Variants in FRMD4A observed in about 807,000 individuals in gnomAD.
FRMD4A encodes FERM domain containing 4A.
FRMD4A carries 29 observed loss-of-function variants against 129.1 expected under a neutral mutation model. That is an observed-to-expected ratio of 0.22 (90% CI 0.17 to 0.31). The LOEUF (loss-of-function observed/expected upper bound fraction) is 0.31, where lower values mean the gene tolerates loss of function less well. Ranked by LOEUF, FRMD4A falls within the 10% of genes least tolerant of loss-of-function variation. The pLI is 1.00. For missense variants in FRMD4A, 1,272 were observed against 1,375.8 expected, an observed-to-expected ratio of 0.92 and a Z score of 1.19; for synonymous variants, 634 against 571.6, an observed-to-expected ratio of 1.11 and a Z score of -1.56.
intron 2 of FRMD4A, among the ~76,000 whole-genome samples, chr10:13,873,799 G>A (rs1428690133): frequency 2.0e-5 from 3 of 151,660 alleles, no homozygotes; most frequent in East Asian, 1.9e-4. Context: ...TGTCCACCTT[G>A]GCCTCCCAAA....
At chr10:13,777,740 C>T (rs1230281598) in intron 6 of FRMD4A, among the ~76,000 whole-genome samples, 4 of 151,258 alleles carry the variant, frequency 2.6e-5, no homozygotes, top group Non-Finnish European at 4.4e-5. Context: ...CAGTACTGAA[C>T]GCAACTCCTC....
chr10:13,969,860 AAAAG>A (rs2095507372), intron 2 of FRMD4A, among the ~76,000 whole-genome samples: 1 of 152,194 alleles, frequency 6.6e-6, no homozygotes, highest in African/African-American at 2.4e-5. Flanking sequence ...CCCCACCAAA[AAAAG>A]AAAGAGATGA....
intron 2 of FRMD4A, chr10:14,327,089 C>A (rs1843308224): frequency 5.0e-6 from 2 of 397,570 alleles, no homozygotes; most frequent in East Asian, 7.1e-5. Context: ...TGGGACCCCT[C>A]CCAGCTGACC....
chr10:14,267,746 G>T (rs1845026707), intron 2 of FRMD4A, among the ~76,000 whole-genome samples: 1 of 152,008 alleles, frequency 6.6e-6, no homozygotes, highest in Non-Finnish European at 1.5e-5. Context: ...TTTAAATTTG[G>T]GTCCTTTATT....
At chr10:14,127,924 TTC>T (rs1285267429) in intron 2 of FRMD4A, among the ~76,000 whole-genome samples, 8 of 4,412 alleles carry the variant, frequency 1.8e-3, no homozygotes, top group Non-Finnish European at 2.8e-3. Context: ...CTTTCTTTCT[TTC>T]TTTCTTTCTT....
rs1346364932 is a variant in FRMD4A at position 14,134,381 on chromosome 10, ATAAATGGG to A, written c.45+195669_45+195676del. On this transcript the variant is annotated intron_variant, in intron 2 of 24. Coordinates refer to ENST00000357447, the MANE Select transcript of FRMD4A (RefSeq NM_018027.5). ...AATGGATGGGTAGATGGATGGATGG[ATAAATGGG>A]TGAATGGGTGGATGGATGGATGGAT... 2.0e-5 allele frequency among the ~76,000 whole-genome samples: 3 copies of A among 151,560 alleles called. No individual in the cohort carries two copies. The South Asian group carries it at 6.3e-4, about 32-fold the overall frequency.
chr10:13,790,648 C>T (rs1481454517), intron 5 of FRMD4A, among the ~76,000 whole-genome samples: 1 of 152,050 alleles, frequency 6.6e-6, no homozygotes, highest in Admixed American at 6.5e-5. Context: ...CACATGGGAG[C>T]AGGGCAGAAG....
At chr10:13,746,195 T>C (rs1430646277) in intron 9 of FRMD4A, among the ~76,000 whole-genome samples, 1 of 152,050 alleles carries the variant, frequency 6.6e-6, no homozygotes, top group African/African-American at 2.4e-5. Context: ...AGATGTGATT[T>C]ATGAGCCAGA....
At chr10:14,289,862 A>C (rs956250865) in intron 2 of FRMD4A, among the ~76,000 whole-genome samples, 1 of 152,164 alleles carries the variant, frequency 6.6e-6, no homozygotes, top group African/African-American at 2.4e-5. Context: ...AAAATCCTAA[A>C]GACTCCACAC....
At chr10:13,917,412 C>T (rs2095022517) in intron 2 of FRMD4A, among the ~76,000 whole-genome samples, 1 of 151,742 alleles carries the variant, frequency 6.6e-6, no homozygotes, top group African/African-American at 2.4e-5. Context: ...GCCTCACCCT[C>T]CTGAGTAACT....
chr10:14,166,143 G>A (rs1049141721), intron 2 of FRMD4A, among the ~76,000 whole-genome samples: 5 of 150,424 alleles, frequency 3.3e-5, no homozygotes, highest in Non-Finnish European at 1.5e-5. Flanking sequence ...ATACTATACT[G>A]TATAATCAAT....
intron 2 of FRMD4A, among the ~76,000 whole-genome samples, chr10:14,028,830 G>A (rs1361093049): frequency 6.6e-6 from 1 of 152,212 alleles, no homozygotes; most frequent in African/African-American, 2.4e-5. Context: ...GGATCCTAGG[G>A]TTGAGCCCAG....
At chr10:13,972,746 G>A (rs1022320843) in intron 2 of FRMD4A, among the ~76,000 whole-genome samples, 3 of 152,164 alleles carry the variant, frequency 2.0e-5, no homozygotes, top group Non-Finnish European at 4.4e-5. Flanking sequence ...ATACCAAAAG[G>A]TGAGATTCCA....
chr10:13,731,261 G>A (rs1187889538), intron 12 of FRMD4A, among the ~76,000 whole-genome samples: 1 of 152,196 alleles, frequency 6.6e-6, no homozygotes, highest in African/African-American at 2.4e-5. Context: ...GAAGTGGGGA[G>A]GAAGGCAAAG....
At chr10:14,054,879 A>G (rs1834435766) in intron 2 of FRMD4A, among the ~76,000 whole-genome samples, 1 of 152,190 alleles carries the variant, frequency 6.6e-6, no homozygotes, top group Non-Finnish European at 1.5e-5. Context: ...GCCTGCCACC[A>G]TGTAAGATGT....
At chr10:13,659,289 GC>G in intron 21 of FRMD4A, 33 bp downstream of exon 21, 1 of 1,597,014 alleles carries the variant, frequency 6.3e-7, no homozygotes, top group Non-Finnish European at 8.6e-7. Flanking sequence ...AAAAAGGAAG[GC>G]TTGGTCTGAG....
chr10:14,018,332 T>C (rs1438158134), intron 2 of FRMD4A, among the ~76,000 whole-genome samples: 2 of 151,118 alleles, frequency 1.3e-5, no homozygotes, highest in African/African-American at 4.9e-5. Context: ...GGCAGGCGTC[T>C]GTAGTCCCAG....
chr10:13,996,522 T>A (rs1303618812), intron 2 of FRMD4A, among the ~76,000 whole-genome samples: 2 of 152,230 alleles, frequency 1.3e-5, no homozygotes, highest in Non-Finnish European at 2.9e-5. Context: ...ACTTGTCTGC[T>A]TCTTAAACTT....
At chr10:14,325,311 A>G (rs919624837) in intron 2 of FRMD4A, among the ~76,000 whole-genome samples, 1 of 152,254 alleles carries the variant, frequency 6.6e-6, no homozygotes. Context: ...ATTAGATTAT[A>G]GTAATAGAAC....
Sources: allele counts gnomAD v4.1 joint callset (sites outside exome capture counted in the v4.1 genomes callset), GRCh38; gene constraint gnomAD v4.1.1; transcripts MANE v1.5; gene names NCBI Gene and HGNC (gene_info 2026-07-23, HGNC 2026-07-21).